The following ANO8 variants were observed in gnomAD, a reference collection of about 807,000 sequenced individuals.
ANO8 encodes the protein anoctamin 8, also known as anoctamin-8.
In ANO8, 67 loss-of-function variants were observed where a neutral mutation model predicts 120.4. The ratio of observed to expected loss-of-function variants is 0.56; its 90% CI spans 0.46 to 0.68. The LOEUF is 0.68. Ranked by LOEUF, ANO8 falls within the 30% of genes least tolerant of loss-of-function variation. The probability of loss-of-function intolerance (pLI) is 0.00; values close to 1 mark genes in which losing one functional copy is unlikely to be tolerated. For synonymous variants in ANO8, 727 were observed against 759.2 expected, an observed-to-expected ratio of 0.96 and a Z score of 0.70; for missense variants, 1,526 against 1,737.6, an observed-to-expected ratio of 0.88 and a Z score of 2.16.
chr19:17,331,666 T>C (rs78121989), intron 5 of ANO8, among the ~76,000 whole-genome samples: 1 of 147,138 alleles, frequency 6.8e-6, no homozygotes, highest in East Asian at 2.0e-4. Flanking sequence ...TTTTTTTTTT[T>C]GAGACAGTCT....
rs1188564576 is a variant in ANO8, at chr19:17,330,115, C to A, written c.1273+10G>T. 8 of 1,614,018 alleles carry A rather than the reference C, an allele frequency of 5.0e-6. No individual in the cohort carries two copies. The highest frequency in any genetic ancestry group is 1.1e-5 in the South Asian group (1 of 91,092). ...GACCTTCCTCCCAGAGACCCCCTGG[C>A]AGGTCGTACCCATGTCATTGAGCCA... On this transcript the variant is annotated intron_variant, in intron 10 of 17. Coordinates refer to ENST00000159087, the MANE Select transcript of ANO8 (RefSeq NM_020959.3).
chr19:17,332,296 G>A (rs141176301), intron 5 of ANO8, among the ~76,000 whole-genome samples: 1 of 151,976 alleles, frequency 6.6e-6, no homozygotes, highest in African/African-American at 2.4e-5. Context: ...ACCCAGGCTG[G>A]ACAGAATGCA....
intron 5 of ANO8, among the ~76,000 whole-genome samples, chr19:17,331,757 C>T (rs535438209): frequency 4.0e-5 from 6 of 151,680 alleles, no homozygotes; most frequent in East Asian, 3.9e-4. Context: ...CCTCAGCCTC[C>T]GGAGTAGCTG....
chr19:17,332,684 T>A (rs1482912344), intron 5 of ANO8, among the ~76,000 whole-genome samples: 1 of 152,160 alleles, frequency 6.6e-6, no homozygotes, highest in Non-Finnish European at 1.5e-5. Context: ...TGCCAACCCC[T>A]AACTGGTTGG....
chr19:17,331,646 A>G (rs1308999573), intron 5 of ANO8, among the ~76,000 whole-genome samples: 1 of 137,080 alleles, frequency 7.3e-6, no homozygotes, highest in East Asian at 2.0e-4. Flanking sequence ...CTGGTGAGGA[A>G]CCATGTTTTT....
Position 17,333,538 on chromosome 19 carries a change from G to T in ANO8, c.234C>A (p.His78Gln). 6.2e-7 allele frequency: 1 copy of T among 1,612,858 alleles called. No individual in the cohort carries two copies. The change falls in exon 3 of 18, where the codon CAC becomes CAA. Residue 78 changes from histidine to glutamine, a missense_variant. Around this residue, in one of 8 missense-constraint regions of ANO8, gnomAD observed 322 missense variants for 431.8 expected, o/e 0.75. Transcript: ENST00000159087. The surrounding 1 kb of genome is among the most constrained non-coding windows in gnomAD (Gnocchi z 7.2). ...TGTGGTTCAGCAGCCATAGCAGCGT[G>T]TGGTCATCGGTCGTGTCTGCCAAGG... Reference protein sequence around the residue: ...LMTFPDTTDDHTLLWLLNHIR... With the variant: ...LMTFPDTTDDQTLLWLLNHIR...
Position 17,330,026 on chromosome 19 carries a change from G to T in ANO8, c.1274-12C>A. The T allele has an allele frequency of 6.2e-7, 1 of 1,613,818 alleles. No individual in the cohort carries two copies. Among genetic ancestry groups the T allele is most frequent in the South Asian group, 1.1e-5 (1 of 91,082 alleles). On this transcript the variant is annotated splice_polypyrimidine_tract_variant and intron_variant, in intron 10 of 17. Transcript: ENST00000159087. ...CAGCCGGTAATTTTCTAGGGGCCAA[G>T]GGGGGGAGTGAGGGGGCAGCCGCGG... is the stretch of plus-strand genomic sequence containing the variant.
At chr19:17,329,590 G>T in intron 12 of ANO8, 167 bp downstream of exon 12, 2 of 623,232 alleles carry the variant, frequency 3.2e-6, no homozygotes, top group Non-Finnish European at 5.7e-6. Flanking sequence ...GGGGACGACA[G>T]GCAGAGAGAG....
In ANO8 at chr19:17,334,847, C is replaced by A. The variant is rs2074352108; in HGVS notation, c.-177G>T. The A allele has an allele frequency of 7.7e-7, 1 of 1,303,538 alleles. No individual in the cohort carries two copies. Among genetic ancestry groups the A allele is most frequent in the Admixed American group, 2.9e-5 (1 of 34,952 alleles). The allele number at this position is 1,303,538 out of a possible 1,614,324, so 80.7% of individuals were successfully genotyped here. On this transcript the variant is annotated 5_prime_UTR_variant, in exon 1 of 18. Transcript: ENST00000159087. Reference sequence around the variant, plus strand: ...GCTTCTCGTCCCCGCCCGAGCCGAACCTCGATTCTCCTTCCCGGCCCGATG... The same window carrying A: ...GCTTCTCGTCCCCGCCCGAGCCGAAACTCGATTCTCCTTCCCGGCCCGATG...
At chr19:17,332,824 CCT>C in intron 5 of ANO8, 104 bp downstream of exon 5, 4 of 1,291,702 alleles carry the variant, frequency 3.1e-6, no homozygotes, top group South Asian at 1.3e-5. Flanking sequence ...TTTGCCAACC[CCT>C]GACTGGTTGG....
rs760982994 is a variant in ANO8 at position 17,330,236 on chromosome 19, C to T, written c.1162G>A (p.Val388Met). 3 of 1,613,918 alleles carry T rather than the reference C, an allele frequency of 1.9e-6. No individual in the cohort carries two copies. Among genetic ancestry groups the T allele is most frequent in the Middle Eastern group, 1.6e-4 (1 of 6,084 alleles). ...CFQLQELVLS[V>M]KGLPRLARFL... The stretch of plus-strand genomic sequence containing the variant: ...CGGGCGAGACGGGGCAACCCCTTCA[C>T]GCTCAGCACCAGCTCCTGCGGGAGA... Residue 388 changes from valine (V) to methionine (M), a missense_variant, in exon 10 of 18, where the codon GTG (valine) becomes ATG (methionine). By Grantham distance (21) the Val-to-Met change is conservative. Around this residue, in one of 8 missense-constraint regions of ANO8, gnomAD observed 91 missense variants for 85.3 expected, o/e 1.07. Coordinates refer to ENST00000159087, the MANE Select transcript of ANO8 (RefSeq NM_020959.3).
rs778864409 is a variant in ANO8, at chr19:17,330,409, C to T, written c.1089G>A (p.Leu363=). Residue 363 remains leucine, a synonymous_variant, in exon 9 of 18, where the codon CTG becomes CTA. Coordinates refer to ENST00000159087, the MANE Select transcript of ANO8 (RefSeq NM_020959.3). ...AGACACAGACGAGGCACGCCAGGCACAGGGGGAGGCTCACAAGCAGCTGGA... is the reference window on the plus strand; with the variant it reads ...AGACACAGACGAGGCACGCCAGGCATAGGGGGAGGCTCACAAGCAGCTGGA... The part of the protein sequence containing the change: ...LLFQLLVSLP[L]CLACLVCVFL... 1.9e-6 allele frequency: 3 copies of T among 1,578,672 alleles called. No individual in the cohort carries two copies.
chr19:17,327,833 A>T lies in ANO8; in HGVS notation c.2274T>A (p.Val758=). 3 of 1,614,100 alleles carry T rather than the reference A, an allele frequency of 1.9e-6. No homozygotes were observed. Among genetic ancestry groups the T allele is most frequent in the Non-Finnish European group, 2.5e-6 (3 of 1,179,978 alleles). The change falls in exon 14 of 18, where the codon GTT becomes GTA. Residue 758 remains valine (V), a synonymous_variant. Coordinates refer to ENST00000159087, the MANE Select transcript of ANO8 (RefSeq NM_020959.3). ...GGGGGAAGGCGGACGAGAAGAGCAC[A>T]ACGTAGCCGAACTGCACGAACATCT... ...YQEMFVQFGY[V]VLFSSAFPLA... is the part of the protein sequence containing the mutation.
At position 17,325,269 on chromosome 19, in the gene ANO8, G is replaced by C; in HGVS notation, c.2779C>G (p.Arg927Gly). ...HARREHDSGG[R>G]EEARAEGSGL... The stretch of plus-strand genomic sequence containing the variant: ...GAGCCCTCGGCCCTCGCCTCCTCTC[G>C]GCCACCAGAATCATGCTCCCGCCGG... Residue 927 changes from arginine (R) to glycine (G), a missense_variant, in exon 17 of 18, where the codon CGA (arginine) becomes GGA (glycine). Transcript: ENST00000159087. The C allele has an allele frequency of 6.2e-7, 1 of 1,608,200 alleles. No individual in the cohort carries two copies.
chr19:17,333,320 C>A lies in ANO8; in HGVS notation c.351-81G>T, dbSNP rs940499664. On this transcript the variant is annotated intron_variant, in intron 3 of 17. Coordinates refer to ENST00000159087, the MANE Select transcript of ANO8 (RefSeq NM_020959.3). The surrounding 1 kb of genome is among the most constrained non-coding windows in gnomAD (Gnocchi z 7.2). ...GAGCTGAGGATGGTGCACCTGGCAGCCTTTGGGACAAACGCAGGGCGGCTG... is the reference window on the plus strand; with the variant it reads ...GAGCTGAGGATGGTGCACCTGGCAGACTTTGGGACAAACGCAGGGCGGCTG... The A allele has an allele frequency of 4.4e-6, 7 of 1,603,010 alleles. No homozygotes were observed. The South Asian group carries it at 6.6e-5, about 15-fold the overall frequency.
In ANO8 at chr19:17,328,273, C is replaced by A; in HGVS notation, c.2115G>T (p.Ser705=). The change falls in exon 13 of 18, where the codon TCG becomes TCT. Residue 705 remains serine (S), a synonymous_variant. Coordinates refer to ENST00000159087, the MANE Select transcript of ANO8 (RefSeq NM_020959.3). ...PDPEPGSNSD[S]TRRQRRQNRS... ...GGTTCTGCCGTCTCTGCCTACGGGT[C>A]GAATCGCTGTTGGAGCCGGGTTCCG... 6.2e-7 allele frequency: 1 copy of A among 1,610,306 alleles called. No homozygotes were observed. Among genetic ancestry groups the A allele is most frequent in the Non-Finnish European group, 8.5e-7 (1 of 1,178,756 alleles).
chr19:17,325,756 T>G (rs1808547), intron 16 of ANO8, among the ~76,000 whole-genome samples: 1 of 152,094 alleles, frequency 6.6e-6, no homozygotes, highest in African/African-American at 2.4e-5. Flanking sequence ...GGCAAAACCC[T>G]GTCTCTACCA....
At position 17,328,369 on chromosome 19, in the gene ANO8, C is replaced by G. The variant is rs753041457; in HGVS notation, c.2019G>C (p.Glu673Asp). Residue 673 changes from glutamate (E) to aspartate (D), a missense_variant, in exon 13 of 18, where the codon GAG (glutamate) becomes GAC (aspartate). By Grantham distance (45) the Glu-to-Asp change is conservative. Transcript: ENST00000159087. ...AEGAPGSPER[E>D]PPAILFRRAG... ...CCCGGCGGAACAAGATGGCCGGGGG[C>G]TCCCGTTCAGGGCTGCCGGGAGCCC... 1 of 1,574,910 alleles carries G rather than the reference C, an allele frequency of 6.3e-7. No homozygotes were observed. The highest frequency in any genetic ancestry group is 1.8e-5 in the Admixed American group (1 of 54,586).
At chr19:17,328,003 C>T in intron 13 of ANO8, 123 bp from the exon 14 acceptor site, 1 of 1,417,204 alleles carries the variant, frequency 7.1e-7, no homozygotes. Flanking sequence ...TCAGCCAGCC[C>T]AGAGGCTTCC....
Sources: allele counts gnomAD v4.1 joint callset (sites outside exome capture counted in the v4.1 genomes callset), GRCh38; gene constraint gnomAD v4.1.1; regional missense constraint gnomAD v4.1.1; non-coding constraint Gnocchi (gnomAD v3.1); transcripts MANE v1.5; gene names NCBI Gene and HGNC (gene_info 2026-07-23, HGNC 2026-07-21).